The following POU6F2 variants were observed in gnomAD, a reference collection of about 807,000 sequenced individuals.
POU6F2 encodes POU domain, class 6, transcription factor 2.
Under a neutral mutation model 71.3 loss-of-function variants are expected in POU6F2, and 31 were observed. The ratio of observed to expected loss-of-function variants is 0.43; its 90% confidence interval spans 0.33 to 0.59. The LOEUF (loss-of-function observed/expected upper bound fraction) is 0.59. POU6F2 is among the 20% of genes least tolerant of loss of function. POU6F2 has a pLI of 0.04. For synonymous variants in POU6F2, 347 were observed against 355.7 expected, an observed-to-expected ratio of 0.98 and a Z score of 0.27; for missense variants, 783 against 856.8, an observed-to-expected ratio of 0.91 and a Z score of 1.07.
intron 2 of POU6F2, among the ~76,000 whole-genome samples, chr7:39,127,909 C>T (rs950061757): frequency 6.8e-5 from 9 of 131,608 alleles, no homozygotes; most frequent in Non-Finnish European, 1.4e-4. Flanking sequence ...GTGGTGCAAT[C>T]TCTGCTCACT....
intron 5 of POU6F2, among the ~76,000 whole-genome samples, chr7:39,383,544 A>G (rs1562810095): frequency 6.6e-6 from 1 of 152,208 alleles, no homozygotes; most frequent in Non-Finnish European, 1.5e-5. Context: ...ATGAAGAGCT[A>G]CATCTTTGAC....
At chr7:39,097,872 G>A (rs1244662144) in intron 2 of POU6F2, among the ~76,000 whole-genome samples, 1 of 152,192 alleles carries the variant, frequency 6.6e-6, no homozygotes, top group African/African-American at 2.4e-5. Flanking sequence ...ATTTCTGGTA[G>A]CTTTTTAGGC....
At chr7:39,344,436 C>T (rs1001968610) in intron 5 of POU6F2, among the ~76,000 whole-genome samples, 4 of 152,170 alleles carry the variant, frequency 2.6e-5, no homozygotes, top group Non-Finnish European at 5.9e-5. Context: ...TTCTGGTCTT[C>T]CCATTTGAGA....
intron 2 of POU6F2, among the ~76,000 whole-genome samples, chr7:39,145,303 A>G (rs913402394): frequency 1.3e-5 from 2 of 152,224 alleles, no homozygotes; most frequent in South Asian, 2.1e-4. Context: ...GAAAACAACT[A>G]CATTGCCATT....
chr7:39,066,434 A>G (rs1790754070), intron 1 of POU6F2, among the ~76,000 whole-genome samples: 1 of 151,798 alleles, frequency 6.6e-6, no homozygotes, highest in African/African-American at 2.4e-5. Flanking sequence ...AATTTGATAA[A>G]AATAGGAATA....
At chr7:39,346,832 G>A (rs2115651904) in intron 5 of POU6F2, among the ~76,000 whole-genome samples, 1 of 152,288 alleles carries the variant, frequency 6.6e-6, no homozygotes, top group South Asian at 2.1e-4. Flanking sequence ...ATTTTCCACT[G>A]GTTTTTAAAT....
intron 5 of POU6F2, among the ~76,000 whole-genome samples, chr7:39,392,610 A>G (rs1787095590): frequency 6.6e-6 from 1 of 152,146 alleles, no homozygotes; most frequent in African/African-American, 2.4e-5. Flanking sequence ...GGGAAGGGTA[A>G]CTCTGTAACA....
intron 2 of POU6F2, among the ~76,000 whole-genome samples, chr7:39,146,147 T>C (rs564809905): frequency 6.6e-6 from 1 of 152,236 alleles, no homozygotes; most frequent in African/African-American, 2.4e-5. Context: ...GAAATGATGA[T>C]CTAATTTACT....
chr7:39,143,764 G>T (rs924853362), intron 2 of POU6F2, among the ~76,000 whole-genome samples: 2 of 152,176 alleles, frequency 1.3e-5, no homozygotes, highest in Admixed American at 1.3e-4. Flanking sequence ...CTGGGGTGAG[G>T]GTAAAAGGAG....
intron 4 of POU6F2, among the ~76,000 whole-genome samples, chr7:39,317,604 T>A (rs1785296159): frequency 6.6e-6 from 1 of 152,236 alleles, no homozygotes; most frequent in Admixed American, 6.5e-5. Context: ...AAAGAAGTTT[T>A]TGGAGGCCTT....
intron 2 of POU6F2, among the ~76,000 whole-genome samples, chr7:39,092,925 A>G (rs1791384709): frequency 6.6e-6 from 1 of 152,154 alleles, no homozygotes; most frequent in African/African-American, 2.4e-5. Flanking sequence ...GTATTCCAGG[A>G]TAATTTTTTA....
intron 5 of POU6F2, among the ~76,000 whole-genome samples, chr7:39,349,200 G>A (rs935371123): frequency 1.3e-5 from 2 of 152,186 alleles, no homozygotes; most frequent in Non-Finnish European, 2.9e-5. Context: ...AAGCTGAAAC[G>A]GTATGGTTCT....
At chr7:39,097,801 G>GA (rs1241774320) in intron 2 of POU6F2, among the ~76,000 whole-genome samples, 1 of 152,130 alleles carries the variant, frequency 6.6e-6, no homozygotes, top group Non-Finnish European at 1.5e-5. Flanking sequence ...AAGACATGGG[G>GA]ACCCCACCCT....
chr7:39,345,208 G>A (rs1786005952), intron 5 of POU6F2, among the ~76,000 whole-genome samples: 1 of 152,110 alleles, frequency 6.6e-6, no homozygotes, highest in African/African-American at 2.4e-5. Context: ...ATTGTAGTAA[G>A]GTCTTATTCA....
At chr7:39,304,544 G>GA (rs72575102) in intron 4 of POU6F2, among the ~76,000 whole-genome samples, 99,014 of 151,000 alleles carry the variant, frequency 0.66, 32,610 homozygotes, top group Admixed American at 0.76. Flanking sequence ...AAAGACAGGA[G>GA]AAAAAAAATC....
intron 4 of POU6F2, among the ~76,000 whole-genome samples, chr7:39,276,731 G>T (rs1202235240): frequency 6.6e-6 from 1 of 151,966 alleles, no homozygotes. Flanking sequence ...CATAAAAAAT[G>T]ATGAGTTCAT....
At chr7:39,438,338 G>A (rs1304852092) in intron 7 of POU6F2, among the ~76,000 whole-genome samples, 1 of 152,206 alleles carries the variant, frequency 6.6e-6, no homozygotes, top group Admixed American at 6.5e-5. Flanking sequence ...TCTTAATCCA[G>A]TCTATCATTG....
At chr7:39,449,049 T>C (rs557106012) in intron 7 of POU6F2, among the ~76,000 whole-genome samples, 38 of 152,238 alleles carry the variant, frequency 2.5e-4, no homozygotes, top group Non-Finnish European at 3.5e-4. Flanking sequence ...TGGGATCCCA[T>C]GTCAATTGTA....
intron 1 of POU6F2, among the ~76,000 whole-genome samples, chr7:39,026,557 A>G (rs1345430387): frequency 6.6e-6 from 1 of 152,132 alleles, no homozygotes; most frequent in Non-Finnish European, 1.5e-5. Flanking sequence ...CAATGAGAAC[A>G]CATGGACACA....
Sources: allele counts gnomAD v4.1 joint callset (sites outside exome capture counted in the v4.1 genomes callset), GRCh38; gene constraint gnomAD v4.1.1; transcripts MANE v1.5; gene names NCBI Gene and HGNC (gene_info 2026-07-23, HGNC 2026-07-21).